The following ELAVL2 variants were observed in gnomAD, a reference collection of about 807,000 sequenced individuals.
The protein encoded by ELAVL2 is ELAV like RNA binding protein 2.
ELAVL2 carries 4 observed loss-of-function variants against 34.6 expected under a neutral mutation model. The observed-to-expected ratio is 0.12, with a 90% CI of 0.06 to 0.26. The LOEUF (loss-of-function observed/expected upper bound fraction) is 0.26. ELAVL2 is among the 10% of genes least tolerant of loss of function. The pLI, the probability that ELAVL2 is intolerant of heterozygous loss-of-function variation, is 1.00. For missense variants in ELAVL2, 432 were observed against 442.8 expected, an observed-to-expected ratio of 0.98 and a Z score of 0.22; for synonymous variants, 193 against 154.8, an observed-to-expected ratio of 1.25 and a Z score of -1.83.
At chr9:23,772,603 T>G (rs968712358) in intron 1 of ELAVL2, among the ~76,000 whole-genome samples, 2 of 148,450 alleles carry the variant, frequency 1.3e-5, no homozygotes, top group Non-Finnish European at 3.0e-5. Context: ...TTAGTAACAT[T>G]AGGAGGCTAC....
upstream of ELAVL2, chr9:23,826,268 T>G (rs1214629741): frequency 6.6e-6 from 1 of 152,264 alleles, no homozygotes; most frequent in South Asian, 2.1e-4. Context: ...GACCACAGAT[T>G]TATAGCACCG....
At chr9:23,781,007 A>G (rs2058987200) in intron 1 of ELAVL2, among the ~76,000 whole-genome samples, 1 of 152,364 alleles carries the variant, frequency 6.6e-6, no homozygotes, top group Middle Eastern at 3.4e-3. Context: ...GTCCAAAGAC[A>G]ATCACTGCTG....
chr9:23,757,917 GCA>G (rs1280404271), intron 2 of ELAVL2, among the ~76,000 whole-genome samples: 1 of 152,080 alleles, frequency 6.6e-6, no homozygotes. Flanking sequence ...GACTTAAGAA[GCA>G]CACACTTTCC....
chr9:23,731,599 A>T (rs717718), intron 2 of ELAVL2, among the ~76,000 whole-genome samples: 53,292 of 151,986 alleles, frequency 0.35, 9,996 homozygotes, highest in East Asian at 0.5. Flanking sequence ...CAAGTACAAT[A>T]ATGTCGGAGT....
intron 2 of ELAVL2, among the ~76,000 whole-genome samples, chr9:23,756,884 A>C (rs2053683805): frequency 6.6e-6 from 1 of 152,130 alleles, no homozygotes; most frequent in South Asian, 2.1e-4. Context: ...ACAGATTCTG[A>C]TTCAGTAGGC....
chr9:23,758,166 C>T (rs147717264), intron 2 of ELAVL2, among the ~76,000 whole-genome samples: 1 of 152,066 alleles, frequency 6.6e-6, no homozygotes, highest in East Asian at 1.9e-4. Flanking sequence ...CTGGTCTGTC[C>T]CTAAAATACG....
Position 23,735,105 on chromosome 9 carries a change from C to CAAAAAAAAAAAAAAAAAAAAAAAAAAAAA in ELAVL2, c.230-3981_230-3980insTTTTTTTTTTTTTTTTTTTTTTTTTTTTT. On this transcript the variant is annotated intron_variant, in intron 2 of 6. Coordinates refer to ENST00000397312, the MANE Select transcript of ELAVL2 (RefSeq NM_004432.5). ...CCAAAATGACAAAGCTAAGGCTCTT[C>CAAAAAAAAAAAAAAAAAAAAAAAAAAAAA]AAAAAAAAAAAAAAAAAAAAAAGCC... 6.8e-4 allele frequency: 19 copies of CAAAAAAAAAAAAAAAAAAAAAAAAAAAAA among 27,954 alleles called. 1 individual carries two copies. The highest frequency in any genetic ancestry group is 1.0e-3 in the Non-Finnish European group (16 of 15,476). The allele number at this position is 27,954 out of a possible 1,614,324, so 1.7% of individuals were successfully genotyped here.
intron 1 of ELAVL2, among the ~76,000 whole-genome samples, chr9:23,787,281 C>A (rs1183663083): frequency 6.8e-6 from 1 of 148,022 alleles, no homozygotes; most frequent in Admixed American, 6.8e-5. Context: ...TTTTTTGAGA[C>A]GGAGTTTCGC....
At chr9:23,702,970 A>AAAAAAAAAC (rs1563957218) in intron 4 of ELAVL2, among the ~76,000 whole-genome samples, 2 of 145,996 alleles carry the variant, frequency 1.4e-5, no homozygotes, top group Non-Finnish European at 3.0e-5. Flanking sequence ...AAAAAAAAAA[A>AAAAAAAAAC]AAAAAAAAAA....
At chr9:23,718,257 A>C (rs2042808392) in intron 3 of ELAVL2, among the ~76,000 whole-genome samples, 1 of 152,170 alleles carries the variant, frequency 6.6e-6, no homozygotes. Flanking sequence ...ATCCCCATTT[A>C]AACACCTGTT....
intron 5 of ELAVL2, 62 bp downstream of exon 5, chr9:23,701,317 C>G: frequency 1.3e-6 from 2 of 1,559,480 alleles, no homozygotes; most frequent in East Asian, 2.2e-5. Flanking sequence ...AAGTACTGGA[C>G]AGTAAACCTG....
intron 4 of ELAVL2, among the ~76,000 whole-genome samples, chr9:23,703,138 C>T (rs1448444362): frequency 2.0e-5 from 3 of 151,998 alleles, no homozygotes; most frequent in Admixed American, 2.0e-4. Context: ...ACTGCTGATA[C>T]TGCAGGTGCG....
At chr9:23,796,992 T>C (rs552219511) in intron 1 of ELAVL2, among the ~76,000 whole-genome samples, 3 of 152,278 alleles carry the variant, frequency 2.0e-5, no homozygotes, top group East Asian at 3.9e-4. Flanking sequence ...GCAAAGCTGG[T>C]TGATGCAGAG....
chr9:23,767,980 A>C (rs1445573742), intron 1 of ELAVL2, among the ~76,000 whole-genome samples: 2 of 151,992 alleles, frequency 1.3e-5, no homozygotes, highest in Non-Finnish European at 2.9e-5. Context: ...TGCTCCAGCC[A>C]CTCCATTGCC....
chr9:23,801,419 T>C (rs1443023394), intron 1 of ELAVL2, among the ~76,000 whole-genome samples: 2 of 152,150 alleles, frequency 1.3e-5, no homozygotes, highest in Non-Finnish European at 2.9e-5. Context: ...ATTCATTCAA[T>C]AAATATTAAG....
At chr9:23,746,923 T>A (rs2050644004) in intron 2 of ELAVL2, among the ~76,000 whole-genome samples, 1 of 151,758 alleles carries the variant, frequency 6.6e-6, no homozygotes, top group African/African-American at 2.4e-5. Context: ...TGGACCAGAC[T>A]ATACTTTACA....
chr9:23,805,141 T>C (rs951341158), intron 1 of ELAVL2, among the ~76,000 whole-genome samples: 3 of 152,040 alleles, frequency 2.0e-5, no homozygotes, highest in African/African-American at 7.2e-5. Flanking sequence ...TAATAGGAAA[T>C]ATAAAAAGCC....
chr9:23,754,784 C>T (rs1017246579), intron 2 of ELAVL2, among the ~76,000 whole-genome samples: 2 of 152,090 alleles, frequency 1.3e-5, no homozygotes, highest in African/African-American at 4.8e-5. Flanking sequence ...TTATTTTAGG[C>T]TGAGGAAAAT....
chr9:23,768,034 G>A (rs911866150), intron 1 of ELAVL2, among the ~76,000 whole-genome samples: 3 of 152,114 alleles, frequency 2.0e-5, no homozygotes, highest in Admixed American at 1.3e-4. Context: ...TTCAGGACCA[G>A]CAAATTAAAG....
Sources: allele counts gnomAD v4.1 joint callset (sites outside exome capture counted in the v4.1 genomes callset), GRCh38; gene constraint gnomAD v4.1.1; transcripts MANE v1.5; gene names NCBI Gene and HGNC (gene_info 2026-07-23, HGNC 2026-07-21).